CGNL1: variants seen among roughly 807,000 people sequenced by gnomAD.
CGNL1 encodes cingulin like 1, also known as cingulin-like protein 1.
In CGNL1, 132 loss-of-function variants were observed where a neutral mutation model predicts 141.2. The observed-to-expected ratio is 0.93, with a 90% CI of 0.81 to 1.08. The LOEUF is 1.08. CGNL1 is among the 50% of genes least tolerant of loss of function. The pLI is 0.00. For synonymous variants in CGNL1, 690 were observed against 622.1 expected (o/e 1.11, Z -1.63); for missense variants, 1,870 against 1,588.6 (o/e 1.18, Z -3.01).
At chr15:57,454,434 C>T (rs959878277) in intron 7 of CGNL1, among the ~76,000 whole-genome samples, 5 of 152,122 alleles carry the variant, frequency 3.3e-5, no homozygotes, top group Non-Finnish European at 5.9e-5. Flanking sequence ...CTCTGAAGTC[C>T]CTGGAACACT....
At chr15:57,502,566 CTT>C (rs1161162027) in intron 8 of CGNL1, among the ~76,000 whole-genome samples, 3 of 152,102 alleles carry the variant, frequency 2.0e-5, no homozygotes, top group African/African-American at 7.2e-5. Flanking sequence ...GAAATGGAAA[CTT>C]TGGTAGGTCA....
At chr15:57,450,817 C>G (rs536782465) in intron 4 of CGNL1, among the ~76,000 whole-genome samples, 11 of 152,196 alleles carry the variant, frequency 7.2e-5, no homozygotes, top group African/African-American at 2.6e-4. Context: ...CTGATATTTG[C>G]TACTCTATCA....
At chr15:57,382,983 T>G (rs754712656) in intron 1 of CGNL1, among the ~76,000 whole-genome samples, 3 of 152,228 alleles carry the variant, frequency 2.0e-5, no homozygotes, top group Non-Finnish European at 2.9e-5. Flanking sequence ...TGAACTCTTT[T>G]GTAGCTGACA....
At chr15:57,415,799 C>T (rs934228533) in intron 1 of CGNL1, among the ~76,000 whole-genome samples, 2 of 152,224 alleles carry the variant, frequency 1.3e-5, no homozygotes, top group African/African-American at 4.8e-5. Context: ...CTGATGATGC[C>T]TTTCAGAAAT....
At chr15:57,444,720 C>T (rs1488734894) in intron 4 of CGNL1, among the ~76,000 whole-genome samples, 2 of 152,108 alleles carry the variant, frequency 1.3e-5, no homozygotes, top group East Asian at 3.9e-4. Context: ...TATAAAGAGG[C>T]ATGGGTTGCC....
At chr15:57,419,868 C>T (rs1681604019) in intron 1 of CGNL1, among the ~76,000 whole-genome samples, 2 of 152,160 alleles carry the variant, frequency 1.3e-5, no homozygotes, top group African/African-American at 2.4e-5. Flanking sequence ...GAGTTATGTT[C>T]CCTGTCCTCT....
intron 1 of CGNL1, among the ~76,000 whole-genome samples, chr15:57,405,799 TTTCTTTCTTTCC>T (rs1278739260): frequency 0.027 from 2,168 of 79,390 alleles, 57 homozygotes; most frequent in Admixed American, 0.11. Flanking sequence ...TCTTTCTTTC[TTTCTTTCTTTCC>T]TTCTTTCTTT....
intron 1 of CGNL1, among the ~76,000 whole-genome samples, chr15:57,430,401 T>C (rs2063030652): frequency 6.6e-6 from 1 of 152,242 alleles, no homozygotes; most frequent in Non-Finnish European, 1.5e-5. Flanking sequence ...GAATGACTTA[T>C]CTAACACTTT....
chr15:57,487,263 T>G lies in CGNL1; in HGVS notation c.2403+25371T>G, dbSNP rs1211843110. 2.0e-5 allele frequency among the ~76,000 whole-genome samples: 3 copies of G among 152,212 alleles called. No homozygotes were observed. In the East Asian group the frequency reaches 5.8e-4, roughly 29 times the overall value. On this transcript the variant is annotated intron_variant, in intron 8 of 18. Coordinates refer to ENST00000281282, the MANE Select transcript of CGNL1 (RefSeq NM_032866.5). ...GGTTTTTCCAAGATGGTAAATGAGT[T>G]GCAAAGAACAACTTTTTCTTTCTTT...
At chr15:57,450,360 T>C (rs903687024) in intron 4 of CGNL1, among the ~76,000 whole-genome samples, 17 of 152,232 alleles carry the variant, frequency 1.1e-4, no homozygotes, top group South Asian at 4.1e-4. Context: ...CACTGCAACC[T>C]CCACTTCGTG....
At chr15:57,521,579 A>C (rs1427197411) in intron 10 of CGNL1, among the ~76,000 whole-genome samples, 2 of 152,228 alleles carry the variant, frequency 1.3e-5, no homozygotes, top group African/African-American at 4.8e-5. Flanking sequence ...CAAGCATATA[A>C]GAAATAATTT....
intron 8 of CGNL1, among the ~76,000 whole-genome samples, chr15:57,483,305 T>C (rs1482797709): frequency 6.6e-6 from 1 of 152,318 alleles, no homozygotes; most frequent in Non-Finnish European, 1.5e-5. Context: ...ACCTAAGGGT[T>C]TAATGTTTTT....
At chr15:57,501,101 C>A (rs1486683930) in intron 8 of CGNL1, among the ~76,000 whole-genome samples, 4 of 152,116 alleles carry the variant, frequency 2.6e-5, no homozygotes, top group East Asian at 3.8e-4. Flanking sequence ...AATTCAGTAA[C>A]CTTGGATCGT....
At chr15:57,545,324 T>A (rs1195332456) in intron 16 of CGNL1, among the ~76,000 whole-genome samples, 1 of 152,184 alleles carries the variant, frequency 6.6e-6, no homozygotes, top group Non-Finnish European at 1.5e-5. Context: ...CCTTACAAAG[T>A]AAAGCTCAGA....
Position 57,439,500 on chromosome 15 carries a change from A to G in CGNL1, c.1501A>G (p.Thr501Ala), listed in dbSNP as rs2063157525. 1.9e-6 allele frequency: 3 copies of G among 1,614,210 alleles called. No homozygotes were observed. Among genetic ancestry groups the G allele is most frequent in the Non-Finnish European group, 2.5e-6 (3 of 1,180,038 alleles). ...AAAGGAGGAGGAGGTGAAAACAGCC[A>G]CCGCTACGCTGATGTTACAGAACCG... ...SKKEEEVKTA[T>A]ATLMLQNRAT... Residue 501 changes from threonine to alanine, a missense_variant, in exon 2 of 19, where the codon ACC becomes GCC. Coordinates refer to ENST00000281282, the MANE Select transcript of CGNL1 (RefSeq NM_032866.5).
At chr15:57,403,082 T>A (rs1317981004) in intron 1 of CGNL1, among the ~76,000 whole-genome samples, 1 of 152,232 alleles carries the variant, frequency 6.6e-6, no homozygotes, top group East Asian at 1.9e-4. Flanking sequence ...ATTTGGAGGC[T>A]GTACTTTCCA....
At chr15:57,523,426 C>T in intron 10 of CGNL1, 63 bp from the exon 11 acceptor site, 9 of 1,533,708 alleles carry the variant, frequency 5.9e-6, no homozygotes, top group Middle Eastern at 2.0e-4. Flanking sequence ...TTCCCTGTGC[C>T]ACCCGTTCCT....
chr15:57,502,251 C>T (rs1461982422), intron 8 of CGNL1, among the ~76,000 whole-genome samples: 1 of 152,134 alleles, frequency 6.6e-6, no homozygotes, highest in African/African-American at 2.4e-5. Flanking sequence ...AAACCATCCT[C>T]AGTTGGTCTC....
chr15:57,516,613 G>A (rs1039635550), intron 8 of CGNL1, among the ~76,000 whole-genome samples, 167 bp from the exon 9 acceptor site: 3 of 152,224 alleles, frequency 2.0e-5, no homozygotes, highest in African/African-American at 7.2e-5. Flanking sequence ...CAAAACAGGT[G>A]AGGGGCTGGG....
Sources: allele counts gnomAD v4.1 joint callset (sites outside exome capture counted in the v4.1 genomes callset), GRCh38; gene constraint gnomAD v4.1.1; transcripts MANE v1.5; gene names NCBI Gene and HGNC (gene_info 2026-07-23, HGNC 2026-07-21).